Variants in GTF2F2 observed in about 807,000 individuals in gnomAD.
GTF2F2 encodes ATP-dependent helicase GTF2F2.
A neutral mutation model predicts 42.2 loss-of-function variants in GTF2F2; 23 were observed. The observed-to-expected ratio is 0.55, with a 90% CI of 0.39 to 0.77. The LOEUF (loss-of-function observed/expected upper bound fraction) is 0.77. GTF2F2 is among the 30% of genes least tolerant of loss of function. GTF2F2 has a pLI of 0.00. For synonymous variants in GTF2F2, 105 were observed against 100.8 expected (o/e 1.04, Z -0.25); for missense variants, 261 against 287.2 (o/e 0.91, Z 0.66).
Position 45,281,713 on chromosome 13 carries a change from A to G in GTF2F2, c.631-1729A>G, listed in dbSNP as rs1340646410. On this transcript the variant is annotated intron_variant, in intron 7 of 7. Coordinates refer to ENST00000340473, the MANE Select transcript of GTF2F2 (RefSeq NM_004128.3). ...TAGCACCATGCTAGAGAAAAGCACTACCTTAAATATACAGACAAGAGCTTC... is the reference window on the plus strand; with the variant it reads ...TAGCACCATGCTAGAGAAAAGCACTGCCTTAAATATACAGACAAGAGCTTC... Among the ~76,000 whole-genome samples the G allele has an allele frequency of 2.0e-5, 3 of 152,356 alleles. No individual in the cohort carries two copies. In the East Asian group the frequency reaches 5.8e-4, roughly 29 times the overall value.
intron 1 of GTF2F2, among the ~76,000 whole-genome samples, chr13:45,126,296 G>T (rs377699396): frequency 1.5e-5 from 2 of 135,270 alleles, no homozygotes; most frequent in African/African-American, 5.9e-5. Context: ...CTGTTGCCCA[G>T]TCTGGAGTGC....
chr13:45,214,074 C>T (rs1204253194), intron 5 of GTF2F2, among the ~76,000 whole-genome samples: 1 of 150,118 alleles, frequency 6.7e-6, no homozygotes, highest in African/African-American at 2.4e-5. Flanking sequence ...ATTTTAGTAA[C>T]TAGCAGCTAA....
intron 4 of GTF2F2, among the ~76,000 whole-genome samples, chr13:45,200,394 C>T (rs1415738438): frequency 1.3e-5 from 2 of 150,726 alleles, no homozygotes; most frequent in Non-Finnish European, 3.0e-5. Flanking sequence ...ACCTCAACCT[C>T]CTGGGCTCAG....
At chr13:45,249,190 C>T (rs1875770470) in intron 5 of GTF2F2, among the ~76,000 whole-genome samples, 1 of 152,050 alleles carries the variant, frequency 6.6e-6, no homozygotes, top group Non-Finnish European at 1.5e-5. Context: ...GTTAAGGACC[C>T]TGCTAAATTA....
intron 5 of GTF2F2, among the ~76,000 whole-genome samples, chr13:45,217,750 C>G (rs887375721): frequency 2.6e-5 from 4 of 152,186 alleles, no homozygotes; most frequent in Non-Finnish European, 5.9e-5. Context: ...CACAGTTTCT[C>G]TTTGTTCACT....
intron 4 of GTF2F2, among the ~76,000 whole-genome samples, chr13:45,187,174 G>A (rs1182934607): frequency 6.6e-6 from 1 of 152,086 alleles, no homozygotes; most frequent in Non-Finnish European, 1.5e-5. Flanking sequence ...AGGATTGCTT[G>A]AGCCCAGGAG....
At position 45,136,754 on chromosome 13, in the gene GTF2F2, C is replaced by A; in HGVS notation, c.88C>A (p.Gln30Lys). Residue 30 changes from glutamine to lysine, a missense_variant, in exon 2 of 8, where the codon CAA becomes AAA. By Grantham distance (53) the Gln-to-Lys change is moderately conservative (BLOSUM62 1). Coordinates refer to ENST00000340473, the MANE Select transcript of GTF2F2 (RefSeq NM_004128.3). ...LVKVPKYLSQ[Q>K]WAKASGRGEV... ...TTAGGTTCCTAAATATTTGTCACAG[C>A]AATGGGCTAAAGCCTCTGGAAGAGG... 1 of 1,593,408 alleles carries A rather than the reference C, an allele frequency of 6.3e-7. No homozygotes were observed.
intron 1 of GTF2F2, among the ~76,000 whole-genome samples, chr13:45,132,010 T>C (rs1869382431): frequency 6.6e-6 from 1 of 151,828 alleles, no homozygotes; most frequent in South Asian, 2.1e-4. Flanking sequence ...CTTGAGCAAA[T>C]TTATAAGCCT....
intron 6 of GTF2F2, among the ~76,000 whole-genome samples, chr13:45,257,073 A>G (rs573126422): frequency 6.6e-6 from 1 of 152,318 alleles, no homozygotes; most frequent in Admixed American, 6.5e-5. Flanking sequence ...AGATGAATTT[A>G]CCTGTATATA....
rs989823874 is a variant in GTF2F2 at position 45,284,226 on chromosome 13, T to C, written c.*665T>C. On this transcript the variant is annotated 3_prime_UTR_variant, in exon 8 of 8. Transcript: ENST00000340473. Reference sequence around the variant, plus strand: ...AAGATAATTAGAAATTAAATATCTTTCCAAAATTTGAAGATATGTCTCCCC... The same window carrying C: ...AAGATAATTAGAAATTAAATATCTTCCCAAAATTTGAAGATATGTCTCCCC... 1 of 152,170 alleles carries C rather than the reference T, an allele frequency of 6.6e-6. No individual in the cohort carries two copies. Among genetic ancestry groups the C allele is most frequent in the Non-Finnish European group, 1.5e-5 (1 of 68,034 alleles). The allele number at this position is 152,170 out of a possible 1,614,324, so 9.4% of individuals were successfully genotyped here. A position where few individuals can be genotyped will look rare whatever the true frequency, so the allele number is the denominator to read the frequency against.
intron 4 of GTF2F2, among the ~76,000 whole-genome samples, chr13:45,185,773 A>G (rs923041882): frequency 1.3e-4 from 20 of 152,188 alleles, no homozygotes; most frequent in African/African-American, 4.6e-4. Flanking sequence ...TATGACTTTT[A>G]GATTCTTCTG....
intron 5 of GTF2F2, among the ~76,000 whole-genome samples, chr13:45,249,679 A>C (rs1875792944): frequency 6.6e-6 from 1 of 152,234 alleles, no homozygotes; most frequent in Non-Finnish European, 1.5e-5. Flanking sequence ...GGAAGGAGCT[A>C]GTGCATGCCT....
chr13:45,144,086 TAC>T (rs1283554930), intron 2 of GTF2F2, among the ~76,000 whole-genome samples: 1 of 152,038 alleles, frequency 6.6e-6, no homozygotes, highest in Non-Finnish European at 1.5e-5. Context: ...ACCCCGTCTC[TAC>T]TAAAAATACA....
At chr13:45,140,825 A>G (rs1433730048) in intron 2 of GTF2F2, among the ~76,000 whole-genome samples, 1 of 152,232 alleles carries the variant, frequency 6.6e-6, no homozygotes, top group African/African-American at 2.4e-5. Flanking sequence ...GTCACTGAAG[A>G]AAGGCAGGCT....
chr13:45,244,649 A>G (rs1875493743), intron 5 of GTF2F2, among the ~76,000 whole-genome samples: 1 of 152,186 alleles, frequency 6.6e-6, no homozygotes, highest in South Asian at 2.1e-4. Flanking sequence ...AGGTTATACA[A>G]TGATAGTCAT....
intron 4 of GTF2F2, among the ~76,000 whole-genome samples, chr13:45,161,337 G>T (rs933906569): frequency 2.6e-5 from 4 of 152,070 alleles, no homozygotes; most frequent in Non-Finnish European, 5.9e-5. Flanking sequence ...GGACCCCTGG[G>T]GATTTATAGA....
intron 6 of GTF2F2, among the ~76,000 whole-genome samples, chr13:45,257,336 A>G (rs1377752931): frequency 6.6e-6 from 1 of 152,106 alleles, no homozygotes; most frequent in African/African-American, 2.4e-5. Context: ...CATTTCCTGT[A>G]CCTTAAATCT....
intron 4 of GTF2F2, among the ~76,000 whole-genome samples, chr13:45,153,084 A>C (rs550655699): frequency 1.4e-5 from 2 of 147,918 alleles, no homozygotes; most frequent in South Asian, 4.2e-4. Flanking sequence ...ATCTCGGCTC[A>C]CTGCAAGCTC....
At chr13:45,209,917 T>C (rs1158950252) in intron 5 of GTF2F2, among the ~76,000 whole-genome samples, 6 of 152,120 alleles carry the variant, frequency 3.9e-5, no homozygotes, top group African/African-American at 1.4e-4. Context: ...CCACATCCAA[T>C]GTGTCAGAAG....
Sources: gnomAD v4.1 joint callset for allele counts (sites outside exome capture counted in the v4.1 genomes callset) on GRCh38, gnomAD v4.1.1 for gene constraint, MANE v1.5 for transcripts, NCBI Gene and HGNC (gene_info 2026-07-23, HGNC 2026-07-21) for gene names.